The following LRBA variants were observed in gnomAD, a reference collection of about 807,000 sequenced individuals.
LRBA encodes the protein lipopolysaccharide-responsive and beige-like anchor protein.
A neutral mutation model predicts 330.0 loss-of-function variants in LRBA; 176 were observed. That is an observed-to-expected ratio of 0.53 (90% CI 0.47 to 0.60). The LOEUF (loss-of-function observed/expected upper bound fraction) is 0.60, where lower values mean the gene tolerates loss of function less well. LRBA is among the 20% of genes least tolerant of loss of function. LRBA has a pLI of 0.00. For missense variants in LRBA, 3,259 were observed against 3,444.8 expected, an observed-to-expected ratio of 0.95 and a Z score of 1.35; for synonymous variants, 1,230 against 1,193.0, an observed-to-expected ratio of 1.03 and a Z score of -0.64.
At chr4:150,877,114 C>A (rs1277449589) in intron 17 of LRBA, among the ~76,000 whole-genome samples, 1 of 151,878 alleles carries the variant, frequency 6.6e-6, no homozygotes, top group Non-Finnish European at 1.5e-5. Context: ...AAAAATTAGC[C>A]AACCATGGTG....
intron 42 of LRBA, among the ~76,000 whole-genome samples, chr4:150,485,494 T>C (rs895682882): frequency 1.3e-5 from 2 of 151,970 alleles, no homozygotes. Context: ...ATTTTCAAGT[T>C]AAAATGAAGT....
At chr4:150,868,130 A>T in intron 21 of LRBA, 52 bp downstream of exon 21, 1 of 1,539,918 alleles carries the variant, frequency 6.5e-7, no homozygotes, top group Non-Finnish European at 8.8e-7. Flanking sequence ...AAATGGGCTT[A>T]TACAAAAGTA....
At chr4:150,956,265 C>G (rs985994112) in intron 2 of LRBA, among the ~76,000 whole-genome samples, 1 of 148,714 alleles carries the variant, frequency 6.7e-6, no homozygotes, top group Non-Finnish European at 1.5e-5. Flanking sequence ...AATTAGACAA[C>G]TTAGATAAAA....
At chr4:150,931,857 G>A (rs1734543172) in intron 2 of LRBA, among the ~76,000 whole-genome samples, 1 of 152,038 alleles carries the variant, frequency 6.6e-6, no homozygotes, top group Non-Finnish European at 1.5e-5. Context: ...TTCCAAATGA[G>A]TCTAAGATTT....
intron 35 of LRBA, among the ~76,000 whole-genome samples, chr4:150,743,895 C>G (rs1212791731): frequency 6.6e-6 from 1 of 152,146 alleles, no homozygotes; most frequent in Non-Finnish European, 1.5e-5. Context: ...AATAAAAAAG[C>G]TTTCTGCCAT....
At chr4:150,949,558 C>A (rs930466013) in intron 2 of LRBA, among the ~76,000 whole-genome samples, 2 of 152,034 alleles carry the variant, frequency 1.3e-5, no homozygotes, top group Non-Finnish European at 2.9e-5. Flanking sequence ...CAAAGGATTT[C>A]TCTGCATTAT....
At chr4:150,687,693 C>T (rs1168707815) in intron 36 of LRBA, among the ~76,000 whole-genome samples, 1 of 152,066 alleles carries the variant, frequency 6.6e-6, no homozygotes, top group African/African-American at 2.4e-5. Flanking sequence ...GACAAAGCGA[C>T]CATTTTAGCT....
chr4:150,895,570 G>A (rs964356278), intron 16 of LRBA, among the ~76,000 whole-genome samples: 49 of 152,262 alleles, frequency 3.2e-4, no homozygotes, highest in African/African-American at 1.2e-3. Flanking sequence ...TGCTGAGAAT[G>A]ATGGTTTCCA....
chr4:150,912,347 A>G (rs1234349104), intron 9 of LRBA, among the ~76,000 whole-genome samples: 1 of 152,250 alleles, frequency 6.6e-6, no homozygotes, highest in African/African-American at 2.4e-5. Flanking sequence ...AGAAGGGTGA[A>G]CCCTATTGTG....
At position 150,282,441 on chromosome 4, in the gene LRBA, G is replaced by A; in HGVS notation, c.8316+9C>T. 6.2e-7 allele frequency: 1 copy of A among 1,612,106 alleles called. No homozygotes were observed. Among genetic ancestry groups the A allele is most frequent in the Non-Finnish European group, 8.5e-7 (1 of 1,178,834 alleles). ...GTCGTGAATGCTGAAGAGTCCCCAGGGCACTCACTCTTATGTTATCATCTG... is the reference window on the plus strand; with the variant it reads ...GTCGTGAATGCTGAAGAGTCCCCAGAGCACTCACTCTTATGTTATCATCTG... On this transcript the variant is annotated intron_variant, in intron 55 of 56. Transcript: ENST00000651943.
intron 32 of LRBA, 108 bp downstream of exon 32, chr4:150,808,208 TGAAA>T (rs1743086553): frequency 4.3e-6 from 3 of 704,062 alleles, no homozygotes; most frequent in South Asian, 3.8e-5. Context: ...TCATATATGT[TGAAA>T]GAAAGAAATG....
rs1295287789 is a variant in LRBA, at chr4:151,011,080, G to A, written c.216+3347C>T. Among the ~76,000 whole-genome samples, 7 of 151,580 alleles carry A rather than the reference G, an allele frequency of 4.6e-5. No individual in the cohort carries two copies. The South Asian group carries it at 1.0e-3, about 23-fold the overall frequency. Reference sequence around the variant, plus strand: ...CGGGCACCTGTAGTCCCAGCTACTTGGGAGGCTGACGCCGGAGAATGGCAT... The same window carrying A: ...CGGGCACCTGTAGTCCCAGCTACTTAGGAGGCTGACGCCGGAGAATGGCAT... On this transcript the variant is annotated intron_variant, in intron 2 of 56. Transcript: ENST00000651943.
intron 47 of LRBA, among the ~76,000 whole-genome samples, chr4:150,403,016 C>A (rs575477770): frequency 5.3e-5 from 8 of 152,242 alleles, no homozygotes; most frequent in African/African-American, 1.9e-4. Context: ...GTTTGAGATA[C>A]ACCAGTTACC....
intron 40 of LRBA, among the ~76,000 whole-genome samples, chr4:150,537,874 G>A (rs1296317895): frequency 6.6e-6 from 1 of 152,042 alleles, no homozygotes; most frequent in East Asian, 1.9e-4. Flanking sequence ...AAAATTGCTT[G>A]AACCCAGGAG....
intron 56 of LRBA, among the ~76,000 whole-genome samples, chr4:150,275,288 T>C (rs567800251): frequency 1.3e-5 from 2 of 152,018 alleles, no homozygotes; most frequent in Non-Finnish European, 2.9e-5. Flanking sequence ...CTCAAAATAA[T>C]AAGAGCTATT....
intron 2 of LRBA, among the ~76,000 whole-genome samples, chr4:150,993,248 A>G (rs984859395): frequency 6.6e-5 from 10 of 152,268 alleles, no homozygotes; most frequent in Admixed American, 2.0e-4. Flanking sequence ...GAATTGTAAT[A>G]AAAGGAAATT....
At chr4:150,562,370 G>T (rs923636246) in intron 40 of LRBA, among the ~76,000 whole-genome samples, 1 of 152,160 alleles carries the variant, frequency 6.6e-6, no homozygotes, top group Non-Finnish European at 1.5e-5. Context: ...TCTGCAAAAT[G>T]TAATGGGACA....
intron 47 of LRBA, among the ~76,000 whole-genome samples, chr4:150,399,470 T>C (rs1745182425): frequency 1.3e-5 from 2 of 152,168 alleles, no homozygotes; most frequent in Non-Finnish European, 2.9e-5. Flanking sequence ...ATACCCCATA[T>C]AGACCAGATA....
intron 2 of LRBA, among the ~76,000 whole-genome samples, chr4:150,941,878 CAAA>C (rs34618331): frequency 9.1e-6 from 1 of 110,402 alleles, no homozygotes; most frequent in African/African-American, 3.3e-5. Flanking sequence ...GACTCTGTCT[CAAA>C]AAAAAAAAAA....
Sources: allele counts gnomAD v4.1 joint callset (sites outside exome capture counted in the v4.1 genomes callset), GRCh38; gene constraint gnomAD v4.1.1; transcripts MANE v1.5; gene names NCBI Gene and HGNC (gene_info 2026-07-23, HGNC 2026-07-21).